DCDC1: variants seen among roughly 807,000 people sequenced by gnomAD.
DCDC1 encodes the protein doublecortin domain-containing protein 1.
Under a neutral mutation model 178.3 loss-of-function variants are expected in DCDC1, and 200 were observed. The ratio of observed to expected loss-of-function variants is 1.12; its 90% CI spans 1.00 to 1.26. The LOEUF is 1.26. DCDC1 is among the 50% of genes most tolerant of loss of function. DCDC1 has a pLI of 0.00. For missense variants in DCDC1, 1,983 were observed against 1,749.2 expected (o/e 1.13, Z -2.38); for synonymous variants, 690 against 604.8 (o/e 1.14, Z -2.07).
intron 36 of DCDC1, among the ~76,000 whole-genome samples, chr11:30,883,780 C>T: frequency 6.6e-6 from 1 of 152,042 alleles, no homozygotes; most frequent in Middle Eastern, 3.4e-3. Flanking sequence ...TATACAAAAC[C>T]TCAGAAGACA....
chr11:31,359,431 T>C (rs1388849999), intron 1 of DCDC1, among the ~76,000 whole-genome samples: 1 of 103,158 alleles, frequency 9.7e-6, no homozygotes, highest in East Asian at 3.2e-4. Flanking sequence ...CTGGGGACTG[T>C]TGTGGGGTGG....
chr11:31,154,471 T>C (rs550893865), intron 9 of DCDC1, among the ~76,000 whole-genome samples: 16 of 152,332 alleles, frequency 1.1e-4, no homozygotes, highest in African/African-American at 2.9e-4. Flanking sequence ...ACAGCACTTA[T>C]CACAGTGGTA....
In DCDC1 at chr11:30,920,885, C is replaced by T. The variant is rs765801883; in HGVS notation, c.3184G>A (p.Val1062Met). Residue 1062 changes from valine (V) to methionine (M), a missense_variant, in exon 25 of 39, where the codon GTG (valine) becomes ATG (methionine). Physicochemically the swap from Val to Met is conservative, Grantham distance 21 (BLOSUM62 1). Transcript: ENST00000684477. Reference protein sequence around the residue: ...SDIVSGSKLAVHKPVAIFGEE... With the variant: ...SDIVSGSKLAMHKPVAIFGEE... ...CCAAAAATTGCTACAGGTTTATGCA[C>T]AGCAAGCTTGCTTCCAGATACAATG... 2 of 1,613,200 alleles carry T rather than the reference C, an allele frequency of 1.2e-6. No homozygotes were observed. Among genetic ancestry groups the T allele is most frequent in the Non-Finnish European group, 1.7e-6 (2 of 1,179,498 alleles).
intron 12 of DCDC1, among the ~76,000 whole-genome samples, chr11:31,107,253 T>C (rs1958914244): frequency 6.6e-6 from 1 of 152,092 alleles, no homozygotes; most frequent in African/African-American, 2.4e-5. Context: ...GAAAGAGCAT[T>C]TAGCTTCTAC....
intron 20 of DCDC1, among the ~76,000 whole-genome samples, chr11:31,054,752 G>A (rs929427702): frequency 4.6e-5 from 7 of 152,158 alleles, no homozygotes; most frequent in Non-Finnish European, 7.4e-5. Flanking sequence ...ACCTTTTTCA[G>A]CAAATGGTGC....
chr11:30,888,879 T>C (rs566183472), intron 36 of DCDC1, among the ~76,000 whole-genome samples: 1 of 152,348 alleles, frequency 6.6e-6, no homozygotes, highest in East Asian at 1.9e-4. Context: ...TGTTCTATAA[T>C]AATTGCTCAC....
intron 22 of DCDC1, among the ~76,000 whole-genome samples, chr11:30,928,280 C>T (rs1026380437): frequency 2.6e-5 from 4 of 152,100 alleles, no homozygotes; most frequent in Non-Finnish European, 5.9e-5. Flanking sequence ...GAAGCCCTCA[C>T]CAGATGCAGA....
At chr11:30,874,264 T>C (rs1941913299) in intron 38 of DCDC1, among the ~76,000 whole-genome samples, 1 of 152,178 alleles carries the variant, frequency 6.6e-6, no homozygotes, top group Non-Finnish European at 1.5e-5. Flanking sequence ...AAAATGCAGA[T>C]TCCTTATACC....
At chr11:30,953,208 A>C (rs1009966562) in intron 20 of DCDC1, among the ~76,000 whole-genome samples, 1 of 149,860 alleles carries the variant, frequency 6.7e-6, no homozygotes, top group Non-Finnish European at 1.5e-5. Flanking sequence ...ATCAGATATA[A>C]ATGCAATTTT....
chr11:31,088,556 A>C (rs1957612049), intron 17 of DCDC1, among the ~76,000 whole-genome samples: 1 of 152,162 alleles, frequency 6.6e-6, no homozygotes, highest in Non-Finnish European at 1.5e-5. Flanking sequence ...AAATGGTATA[A>C]AAAAATCTTT....
chr11:31,213,646 G>A (rs1351858148), intron 9 of DCDC1, among the ~76,000 whole-genome samples: 1 of 151,706 alleles, frequency 6.6e-6, no homozygotes, highest in Non-Finnish European at 1.5e-5. Context: ...CTTAAACCCG[G>A]GAGATGGAGG....
chr11:31,058,176 C>T (rs1030942034), intron 20 of DCDC1, among the ~76,000 whole-genome samples: 1 of 152,144 alleles, frequency 6.6e-6, no homozygotes. Context: ...TGGATTGACA[C>T]ACGAGTAGAT....
intron 22 of DCDC1, among the ~76,000 whole-genome samples, 151 bp from the exon 23 acceptor site, chr11:30,925,559 C>G (rs946626508): frequency 6.6e-6 from 1 of 152,098 alleles, no homozygotes; most frequent in African/African-American, 2.4e-5. Context: ...CCCATCAGAC[C>G]CATTTGAGTC....
intron 1 of DCDC1, among the ~76,000 whole-genome samples, chr11:31,352,591 T>A (rs759881110): frequency 6.6e-6 from 1 of 152,300 alleles, no homozygotes; most frequent in South Asian, 2.1e-4. Context: ...CTATCTACAA[T>A]GTACAACTCA....
At position 30,986,334 on chromosome 11, in the gene DCDC1, C is replaced by G. The variant is rs530109116; in HGVS notation, c.2592-33766G>C. On this transcript the variant is annotated intron_variant, in intron 20 of 38. Transcript: ENST00000684477. Reference sequence around the variant, plus strand: ...TAATGACTTCCACATTTTTCTCTCTCTCTTTTTTTTTTTTTTTGAGATGGA... The same window carrying G: ...TAATGACTTCCACATTTTTCTCTCTGTCTTTTTTTTTTTTTTTGAGATGGA... Among the ~76,000 whole-genome samples, 193 of 142,792 alleles carry G rather than the reference C, an allele frequency of 1.4e-3. 3 individuals are homozygous for G. Among genetic ancestry groups the G allele is most frequent in the African/African-American group, 4.8e-3 (163 of 33,996 alleles). The allele number at this position is 142,792 out of a possible 152,430, so 93.7% of individuals were successfully genotyped here.
At chr11:31,129,904 C>T (rs998208469) in intron 10 of DCDC1, among the ~76,000 whole-genome samples, 3 of 152,088 alleles carry the variant, frequency 2.0e-5, no homozygotes, top group Non-Finnish European at 4.4e-5. Context: ...CTTTATGGCT[C>T]ATATTCCCAT....
intron 6 of DCDC1, among the ~76,000 whole-genome samples, chr11:31,291,742 T>G (rs1282468945): frequency 6.6e-6 from 1 of 152,154 alleles, no homozygotes; most frequent in Non-Finnish European, 1.5e-5. Context: ...TGCTCTTATT[T>G]GTTCTGAGAG....
chr11:31,314,202 A>G (rs1038908031), intron 3 of DCDC1, among the ~76,000 whole-genome samples: 6 of 152,164 alleles, frequency 3.9e-5, no homozygotes, highest in African/African-American at 1.4e-4. Flanking sequence ...TTATCATTGC[A>G]TTATTTAATC....
At chr11:30,916,737 T>A in intron 26 of DCDC1, 133 bp downstream of exon 26, 1 of 1,095,408 alleles carries the variant, frequency 9.1e-7, no homozygotes, top group South Asian at 2.8e-5. Context: ...ATCAAAAACA[T>A]AAGACAAAAA....
Sources: allele counts gnomAD v4.1 joint callset (sites outside exome capture counted in the v4.1 genomes callset), GRCh38; gene constraint gnomAD v4.1.1; transcripts MANE v1.5; gene names NCBI Gene and HGNC (gene_info 2026-07-23, HGNC 2026-07-21).